NEB: variants seen among roughly 807,000 people sequenced by gnomAD.
NEB encodes the protein nebulin, also known as nemaline myopathy type 2.
In NEB, 512 loss-of-function variants were observed where a neutral mutation model predicts 952.2. That is an observed-to-expected ratio of 0.54 (90% CI 0.50 to 0.58). NEB has a LOEUF of 0.58. Ranked by LOEUF, NEB falls within the 20% of genes least tolerant of loss-of-function variation. The probability of loss-of-function intolerance (pLI) is 0.00; values close to 1 mark genes in which losing one functional copy is unlikely to be tolerated. For synonymous variants in NEB, 2,900 were observed against 3,149.8 expected (o/e 0.92, Z 2.66); for missense variants, 8,428 against 9,231.1 (o/e 0.91, Z 3.56).
intron 71 of NEB, among the ~76,000 whole-genome samples, chr2:151,622,695 T>C (rs1476353781): frequency 1.3e-5 from 2 of 152,332 alleles, no homozygotes; most frequent in East Asian, 3.9e-4. Flanking sequence ...AGAATAAAGA[T>C]ATTTTTATAT....
At chr2:151,595,329 C>T (rs1396126814) in intron 92 of NEB, among the ~76,000 whole-genome samples, 1 of 151,400 alleles carries the variant, frequency 6.6e-6, no homozygotes, top group African/African-American at 2.4e-5. Context: ...CGGCTTACTG[C>T]AAACCTCCGC....
At chr2:151,509,769 A>G (rs1318061984) in intron 161 of NEB, among the ~76,000 whole-genome samples, 1 of 152,174 alleles carries the variant, frequency 6.6e-6, no homozygotes, top group Non-Finnish European at 1.5e-5. Context: ...CTGGGATTAC[A>G]GGTGTGCACC....
intron 171 of NEB, chr2:151,497,406 G>T: frequency 8.2e-6 from 8 of 976,444 alleles, no homozygotes; most frequent in Non-Finnish European, 9.7e-6. Context: ...AAAAAAGATT[G>T]AAAATACCAG....
At chr2:151,681,457 G>A (rs963389435) in intron 29 of NEB, among the ~76,000 whole-genome samples, 4 of 152,170 alleles carry the variant, frequency 2.6e-5, no homozygotes, top group South Asian at 2.1e-4. Flanking sequence ...ATTCCTGTAC[G>A]CGTCTCTATT....
rs1230248586 is a variant in NEB, at chr2:151,627,832, G to A, written c.9834C>T (p.Tyr3278=). 4.3e-6 allele frequency: 7 copies of A among 1,612,722 alleles called. No homozygotes were observed. Among genetic ancestry groups the A allele is most frequent in the Non-Finnish European group, 5.1e-6 (6 of 1,178,988 alleles). The change falls in exon 69 of 182, where the codon TAC becomes TAT. Residue 3278 remains tyrosine, a splice_region_variant and synonymous_variant. Coordinates refer to ENST00000397345, the MANE Select transcript of NEB (RefSeq NM_001164508.2). ...AKASRDVISD[Y]KYKDGYRKQL... is the part of the protein sequence containing the mutation. The stretch of plus-strand genomic sequence containing the variant: ...GCTTGCGGTAACCATCTTTGTATTT[G>A]TACTGAAATAAAGGTGGTCATTTCA...
In NEB at chr2:151,682,697, C is replaced by G; in HGVS notation, c.2908G>C (p.Glu970Gln). Residue 970 changes from glutamate to glutamine, a missense_variant, in exon 29 of 182, where the codon GAA (glutamate) becomes CAA (glutamine). By Grantham distance (29) the Glu-to-Gln change is conservative. Coordinates refer to ENST00000397345, the MANE Select transcript of NEB (RefSeq NM_001164508.2). The part of the protein sequence containing the change: ...GWVPFGSLEM[E>Q]KAKRASDILN... ...ATGTCTGAAGCTCGCTTTGCCTTTTCCATTTCTAAGGACCCAAAAGGCACC... is the reference window on the plus strand; with the variant it reads ...ATGTCTGAAGCTCGCTTTGCCTTTTGCATTTCTAAGGACCCAAAAGGCACC... The G allele has an allele frequency of 3.1e-6, 5 of 1,613,220 alleles. No individual in the cohort carries two copies. Among genetic ancestry groups the G allele is most frequent in the Non-Finnish European group, 3.4e-6 (4 of 1,179,492 alleles).
chr2:151,637,427 T>A (rs1023630070), intron 63 of NEB, among the ~76,000 whole-genome samples: 1 of 151,874 alleles, frequency 6.6e-6, no homozygotes, highest in African/African-American at 2.4e-5. Context: ...TAGCCCAGAG[T>A]TGGACTGTGA....
At chr2:151,552,823 T>C in intron 127 of NEB, 47 bp from the exon 128 acceptor site, 2 of 1,382,210 alleles carry the variant, frequency 1.4e-6, no homozygotes, top group South Asian at 1.2e-5. Context: ...TTCCTTATGC[T>C]TGAAACTGCT....
chr2:151,495,666 G>GAAC (rs35696429), intron 173 of NEB, among the ~76,000 whole-genome samples: 5,981 of 150,500 alleles, frequency 0.04, 159 homozygotes, highest in Non-Finnish European at 0.062. Flanking sequence ...TAAAACTAAA[G>GAAC]AACAACAACA....
At position 151,508,101 on chromosome 2, in the gene NEB, G is replaced by A. The variant is rs1575514028; in HGVS notation, c.23355C>T (p.Tyr7785=). Residue 7785 remains tyrosine (Y), a synonymous_variant, in exon 162 of 182, where the codon TAC becomes TAT. Coordinates refer to ENST00000397345, the MANE Select transcript of NEB (RefSeq NM_001164508.2). ...QVKNLSSQKK[Y]KEDAEKSMSY... is the part of the protein sequence containing the mutation. Reference sequence around the variant, plus strand: ...ACATGGACTTCTCAGCATCTTCCTTGTACTTTTTCTGGGAATAGATTCCAA... The same window carrying A: ...ACATGGACTTCTCAGCATCTTCCTTATACTTTTTCTGGGAATAGATTCCAA... 6.2e-7 allele frequency: 1 copy of A among 1,602,746 alleles called. No individual in the cohort carries two copies. The highest frequency in any genetic ancestry group is 1.3e-5 in the African/African-American group (1 of 74,868).
chr2:151,696,683 G>T lies in NEB; in HGVS notation c.1523C>A (p.Ser508Tyr), dbSNP rs771120566. ...DKTKFTQVTD[S>Y]PVLLQAQVNS... ...GACTTGGGCTTGTAGCAGAACAGGA[G>T]AGTCTGTAACTTGGGTGAATTTTGT... Residue 508 changes from serine (S) to tyrosine (Y), a missense_variant, in exon 17 of 182, where the codon TCT (serine) becomes TAT (tyrosine). By Grantham distance (144) the Ser-to-Tyr change is moderately radical. This residue lies in a region of NEB where 2,851 missense variants were observed against 2,791.5 expected (regional missense o/e 1.02). Coordinates refer to ENST00000397345, the MANE Select transcript of NEB (RefSeq NM_001164508.2). The T allele has an allele frequency of 6.2e-7, 1 of 1,613,868 alleles. No homozygotes were observed. The highest frequency in any genetic ancestry group is 8.5e-7 in the Non-Finnish European group (1 of 1,179,836).
At position 151,665,523 on chromosome 2, in the gene NEB, T is replaced by A. The variant is rs372780802; in HGVS notation, c.5048A>T (p.Asp1683Val). 1 of 1,606,192 alleles carries A rather than the reference T, an allele frequency of 6.2e-7. No individual in the cohort carries two copies. The highest frequency in any genetic ancestry group is 8.5e-7 in the Non-Finnish European group (1 of 1,176,280). The change falls in exon 42 of 182, where the codon GAC becomes GTC. Residue 1683 changes from aspartate (D) to valine (V), a missense_variant. By Grantham distance (152) the Asp-to-Val change is radical. This residue lies in a region of NEB where 2,851 missense variants were observed against 2,791.5 expected (regional missense o/e 1.02). Transcript: ENST00000397345. ...QIQSDNLYKS[D>V]FTNWMKGIGW... is the part of the protein sequence containing the mutation. Reference sequence around the variant, plus strand: ...GATCCCTTTCATCCAATTGGTGAAGTCAGATTTGTACAGATTCTTTACAAT... The same window carrying A: ...GATCCCTTTCATCCAATTGGTGAAGACAGATTTGTACAGATTCTTTACAAT...
At chr2:151,575,630 T>G in intron 107 of NEB, 65 bp downstream of exon 107, 1 of 1,139,336 alleles carries the variant, frequency 8.8e-7, no homozygotes, top group Non-Finnish European at 1.3e-6. Context: ...CTCCCTTCCA[T>G]GCTCATAGTA....
Position 151,499,378 on chromosome 2 carries a change from C to G in NEB, c.24034G>C (p.Glu8012Gln), listed in dbSNP as rs1385077888. 5.9e-6 allele frequency: 9 copies of G among 1,534,926 alleles called. No individual in the cohort carries two copies. In the South Asian group the frequency reaches 1.1e-4, roughly 18 times the overall value. ...ATTGGAATCCCTTTTCCAACGTTTT[C>G]TTTATACAACACCTGTATGACACAA... ...QENFSSVLYK[E>Q]NVGKGIPIPI... The change falls in exon 169 of 182, where the codon GAA becomes CAA. Residue 8012 changes from glutamate (E) to glutamine (Q), a missense_variant. Transcript: ENST00000397345.
chr2:151,501,211 T>C (rs1575214879), intron 168 of NEB, among the ~76,000 whole-genome samples, 180 bp downstream of exon 168: 1 of 152,210 alleles, frequency 6.6e-6, no homozygotes, highest in Non-Finnish European at 1.5e-5. Flanking sequence ...ATAGAAAGTA[T>C]AAAATGTTTG....
chr2:151,684,690 A>G lies in NEB; in HGVS notation c.2835+88T>C, dbSNP rs563706819. Reference sequence around the variant, plus strand: ...TACATAGGACAATGCAGATACCTCTAAGAAGTGCAAAAACCTCACTCAACT... The same window carrying G: ...TACATAGGACAATGCAGATACCTCTGAGAAGTGCAAAAACCTCACTCAACT... On this transcript the variant is annotated intron_variant, in intron 28 of 181. Coordinates refer to ENST00000397345, the MANE Select transcript of NEB (RefSeq NM_001164508.2). The G allele has an allele frequency of 2.5e-4, 317 of 1,274,392 alleles. 2 individuals carry two copies. The African/African-American group carries it at 3.6e-3, about 15-fold the overall frequency. 78.9% of individuals were successfully genotyped at this position (1,274,392 alleles called of 1,614,324 possible). A position where few individuals can be genotyped will look rare whatever the true frequency, so the allele number is the denominator to read the frequency against.
intron 151 of NEB, 121 bp downstream of exon 151, chr2:151,525,042 C>A: frequency 1.3e-6 from 1 of 785,036 alleles, no homozygotes; most frequent in Non-Finnish European, 2.2e-6. Flanking sequence ...ATTCTCGCCA[C>A]TAACTTTTTG....
intron 180 of NEB, 46 bp downstream of exon 180, chr2:151,490,326 G>A (rs377171458): frequency 2.4e-5 from 37 of 1,565,160 alleles, no homozygotes; most frequent in Non-Finnish European, 3.1e-5. Context: ...AACCATCAAT[G>A]AGCTGGCCGG....
At chr2:151,664,471 AC>A in intron 44 of NEB, 29 bp downstream of exon 44, 1 of 1,492,072 alleles carries the variant, frequency 6.7e-7, no homozygotes, top group Non-Finnish European at 9.0e-7. Flanking sequence ...TACTTGCTCA[AC>A]CCCAAAAAGG....
Sources: gnomAD v4.1 joint callset for allele counts (sites outside exome capture counted in the v4.1 genomes callset) on GRCh38, gnomAD v4.1.1 for gene constraint, gnomAD v4.1.1 regional missense constraint, MANE v1.5 for transcripts, NCBI Gene and HGNC (gene_info 2026-07-23, HGNC 2026-07-21) for gene names.